The following SLC13A3 variants were observed in gnomAD, a reference collection of about 807,000 sequenced individuals.
SLC13A3 encodes the protein solute carrier family 13 member 3, also known as Na(+)/dicarboxylate cotransporter 3.
Under a neutral mutation model 59.0 loss-of-function variants are expected in SLC13A3, and 40 were observed. The ratio of observed to expected loss-of-function variants is 0.68; its 90% confidence interval spans 0.53 to 0.88. SLC13A3 has a LOEUF of 0.88. SLC13A3 is among the 40% of genes least tolerant of loss of function. The pLI, the probability that SLC13A3 is intolerant of heterozygous loss-of-function variation, is 0.00. For missense variants in SLC13A3, 699 were observed against 783.2 expected, an observed-to-expected ratio of 0.89 and a Z score of 1.28; for synonymous variants, 317 against 330.3, an observed-to-expected ratio of 0.96 and a Z score of 0.44.
At chr20:46,600,748 C>T (rs1214871167) in intron 3 of SLC13A3, 1 of 197,374 alleles carries the variant, frequency 5.1e-6, no homozygotes, top group Non-Finnish European at 1.2e-5. Flanking sequence ...ACTCTGTGAA[C>T]AATATAGAAC....
intron 1 of SLC13A3, among the ~76,000 whole-genome samples, chr20:46,631,356 T>C (rs926154265): frequency 2.6e-5 from 4 of 152,138 alleles, no homozygotes; most frequent in African/African-American, 9.7e-5. Flanking sequence ...GTACATACAA[T>C]GGAGGAAGTG....
At chr20:46,589,294 G>A in intron 6 of SLC13A3, 39 bp from the exon 7 acceptor site, 1 of 1,558,248 alleles carries the variant, frequency 6.4e-7, no homozygotes, top group Non-Finnish European at 8.9e-7. Flanking sequence ...GGCCACTGCA[G>A]GTATAACTAA....
intron 10 of SLC13A3, 44 bp from the exon 11 acceptor site, chr20:46,566,434 G>C (rs1199440014): frequency 6.3e-7 from 1 of 1,583,222 alleles, no homozygotes; most frequent in Non-Finnish European, 8.6e-7. Flanking sequence ...CCCATCCCCA[G>C]CTGCCGCCCC....
chr20:46,569,651 A>G (rs955923141), intron 10 of SLC13A3, among the ~76,000 whole-genome samples: 2 of 152,236 alleles, frequency 1.3e-5, no homozygotes, highest in Admixed American at 1.3e-4. Flanking sequence ...AACCAGTAGC[A>G]TGAAGTCACA....
chr20:46,575,593 C>A lies in SLC13A3; in HGVS notation c.1312G>T (p.Ala438Ser). 1 of 1,602,590 alleles carries A rather than the reference C, an allele frequency of 6.2e-7. No homozygotes were observed. The highest frequency in any genetic ancestry group is 2.2e-5 in the East Asian group (1 of 44,506). Reference protein sequence around the residue: ...NIILLLGGGFAMAKGCEESGL... With the variant: ...NIILLLGGGFSMAKGCEESGL... ...CTTACCTCACAGCCTTTGGCCATGG[C>A]GAAGCCCCCTCCCAGGAGAAGGATG... Residue 438 changes from alanine (A) to serine (S), a missense_variant, in exon 10 of 13, where the codon GCC becomes TCC. Transcript: ENST00000279027.
At chr20:46,602,705 G>T (rs911383592) in intron 3 of SLC13A3, among the ~76,000 whole-genome samples, 2 of 152,176 alleles carry the variant, frequency 1.3e-5, no homozygotes, top group Non-Finnish European at 2.9e-5. Flanking sequence ...GACCAGAAAT[G>T]CTGCTAAACA....
At chr20:46,618,532 C>T (rs576188945) in intron 1 of SLC13A3, among the ~76,000 whole-genome samples, 18 of 152,222 alleles carry the variant, frequency 1.2e-4, no homozygotes, top group East Asian at 1.9e-4. Context: ...GTGATTAGGT[C>T]GTGAGGGCTC....
In SLC13A3 at chr20:46,577,832, G is replaced by A. The variant is rs116193856; in HGVS notation, c.1220-2147C>T. ...CTGCTGTGCCCCAACTGTGTGATTT[G>A]GGCCAGTGTCACTACCTTTCTGAGC... On this transcript the variant is annotated intron_variant, in intron 9 of 12. Coordinates refer to ENST00000279027, the MANE Select transcript of SLC13A3 (RefSeq NM_022829.6). Among the ~76,000 whole-genome samples, 1,315 of 152,236 alleles carry A rather than the reference G, an allele frequency of 8.6e-3. 25 individuals are homozygous for A. The highest frequency in any genetic ancestry group is 0.03 in the African/African-American group (1,235 of 41,518).
chr20:46,583,852 C>T (rs1192059186), intron 8 of SLC13A3, 183 bp from the exon 9 acceptor site: 1 of 985,398 alleles, frequency 1.0e-6, no homozygotes, highest in Non-Finnish European at 1.2e-6. Context: ...TCTTCATTCA[C>T]AGCTCCCTGG....
In SLC13A3 at chr20:46,587,953, C is replaced by T. The variant is rs2062210799; in HGVS notation, c.1121+106G>A. ...AATCATATGGGACAAAAGATGGAAA[C>T]TTGGATGCGTGTCTCCCCAGCTGCA... On this transcript the variant is annotated intron_variant, in intron 8 of 12. Coordinates refer to ENST00000279027, the MANE Select transcript of SLC13A3 (RefSeq NM_022829.6). 5.4e-6 allele frequency: 3 copies of T among 558,370 alleles called. No homozygotes were observed. In the Admixed American group the frequency reaches 1.1e-4, roughly 20 times the overall value. 34.6% of individuals were successfully genotyped at this position (558,370 alleles called of 1,614,324 possible). A position where few individuals can be genotyped will look rare whatever the true frequency, so the allele number is the denominator to read the frequency against.
intron 3 of SLC13A3, among the ~76,000 whole-genome samples, chr20:46,603,438 G>A (rs546588223): frequency 1.3e-5 from 2 of 152,022 alleles, no homozygotes; most frequent in Admixed American, 6.6e-5. Flanking sequence ...GCAGTGGCAC[G>A]ATCACAGCTC....
In SLC13A3 at chr20:46,645,072, A is replaced by G. The variant is rs566580781; in HGVS notation, c.111+6239T>C. On this transcript the variant is annotated intron_variant, in intron 1 of 12. Coordinates refer to ENST00000279027, the MANE Select transcript of SLC13A3 (RefSeq NM_022829.6). ...TGGTTCCTCCTGGAAGCTCCAGGAGAGAGAATCCATGCCTTGCCTGTTCCA... is the reference window on the plus strand; with the variant it reads ...TGGTTCCTCCTGGAAGCTCCAGGAGGGAGAATCCATGCCTTGCCTGTTCCA... Among the ~76,000 whole-genome samples, 78 of 152,282 alleles carry G rather than the reference A, an allele frequency of 5.1e-4. 1 individual carries two copies. In the South Asian group the frequency reaches 0.015, roughly 30 times the overall value.
intron 1 of SLC13A3, among the ~76,000 whole-genome samples, chr20:46,637,816 C>T (rs995593227): frequency 1.3e-5 from 2 of 152,084 alleles, no homozygotes; most frequent in Non-Finnish European, 2.9e-5. Flanking sequence ...AAGCTGGAGT[C>T]CAGGAAGGCT....
intron 6 of SLC13A3, among the ~76,000 whole-genome samples, chr20:46,591,116 G>A (rs902701732): frequency 2.0e-5 from 3 of 151,962 alleles, no homozygotes; most frequent in Non-Finnish European, 2.9e-5. Flanking sequence ...GTTGCACTCC[G>A]ACATGGTGCC....
intron 1 of SLC13A3, among the ~76,000 whole-genome samples, chr20:46,625,817 C>T (rs1257506133): frequency 4.6e-5 from 7 of 152,320 alleles, no homozygotes; most frequent in East Asian, 1.9e-4. Context: ...GATTCCTCCA[C>T]GCAGTTGTGT....
chr20:46,563,543 G>T lies in SLC13A3; in HGVS notation c.1503C>A (p.Arg501=), dbSNP rs1271428702. The stretch of plus-strand genomic sequence containing the variant: ...TCAGATACAGGGGGTGCACTCTCAG[G>T]CGGATGGCCTGGGCCAGGAAAAGGT... ...FLPVLAELAI[R]LRVHPLYLMI... Residue 501 remains arginine (R), a synonymous_variant, in exon 12 of 13, where the codon CGC becomes CGA. Transcript: ENST00000279027. 6.2e-7 allele frequency: 1 copy of T among 1,613,808 alleles called. No individual in the cohort carries two copies. Among genetic ancestry groups the T allele is most frequent in the Non-Finnish European group, 8.5e-7 (1 of 1,179,910 alleles).
upstream of SLC13A3, among the ~76,000 whole-genome samples, chr20:46,652,206 C>A (rs1389353144): frequency 6.6e-6 from 1 of 152,128 alleles, no homozygotes; most frequent in Non-Finnish European, 1.5e-5. Flanking sequence ...TTTACCTATA[C>A]AACAAATCTG....
intron 1 of SLC13A3, among the ~76,000 whole-genome samples, chr20:46,631,157 G>C (rs2062732101): frequency 6.6e-6 from 1 of 152,168 alleles, no homozygotes; most frequent in Non-Finnish European, 1.5e-5. Context: ...CTGTCCCCCA[G>C]GGGACACGTT....
chr20:46,663,032 G>A (rs923565719), intron 1 of SLC13A3, among the ~76,000 whole-genome samples: 1 of 152,172 alleles, frequency 6.6e-6, no homozygotes, highest in Non-Finnish European at 1.5e-5. Flanking sequence ...TGTCACACCT[G>A]TAATCCCAGC....
Sources: allele counts gnomAD v4.1 joint callset (sites outside exome capture counted in the v4.1 genomes callset), GRCh38; gene constraint gnomAD v4.1.1; transcripts MANE v1.5; gene names NCBI Gene and HGNC (gene_info 2026-07-23, HGNC 2026-07-21).